Variants in CNOT1 observed in about 807,000 individuals in gnomAD.
The protein encoded by CNOT1 is CCR4-associated factor 1.
CNOT1 carries 15 observed loss-of-function variants against 273.8 expected under a neutral mutation model. The ratio of observed to expected loss-of-function variants is 0.05; its 90% CI spans 0.04 to 0.08. CNOT1 has a LOEUF of 0.08. CNOT1 is among the 10% of genes least tolerant of loss of function. The probability of loss-of-function intolerance (pLI) is 1.00; values close to 1 mark genes in which losing one functional copy is unlikely to be tolerated. For synonymous variants in CNOT1, 1,022 were observed against 1,005.5 expected (o/e 1.02, Z -0.31); for missense variants, 1,644 against 2,912.2 (o/e 0.56, Z 10.02).
chr16:58,526,817 C>CA (rs58419483), intron 44 of CNOT1, among the ~76,000 whole-genome samples: 4,815 of 87,524 alleles, frequency 0.055, 158 homozygotes, highest in African/African-American at 0.093. Flanking sequence ...AACTCCGTCT[C>CA]AAAAAAAAAA....
At chr16:58,560,459 G>A (rs1224962851) in intron 16 of CNOT1, 97 bp from the exon 17 acceptor site, 1 of 1,479,888 alleles carries the variant, frequency 6.8e-7, no homozygotes, top group South Asian at 1.4e-5. Flanking sequence ...TTAAGATGGA[G>A]TCTCACTCTG....
intron 1 of CNOT1, among the ~76,000 whole-genome samples, chr16:58,604,621 TAA>T (rs869046701): frequency 0.046 from 5,597 of 120,808 alleles, 325 homozygotes; most frequent in South Asian, 0.26. Context: ...ATCTCTGCTA[TAA>T]AAAAAAAAAA....
At chr16:58,604,338 T>G (rs1412071775) in intron 1 of CNOT1, among the ~76,000 whole-genome samples, 1 of 152,220 alleles carries the variant, frequency 6.6e-6, no homozygotes, top group Non-Finnish European at 1.5e-5. Context: ...ATCATTAAAG[T>G]TGAGATTCCA....
intron 1 of CNOT1, among the ~76,000 whole-genome samples, chr16:58,604,298 ATATT>A (rs1430359976): frequency 6.6e-6 from 1 of 152,204 alleles, no homozygotes; most frequent in Non-Finnish European, 1.5e-5. Context: ...CATCACAAAA[ATATT>A]TATTTAGAGA....
At chr16:58,587,042 T>C (rs1426593167) in intron 6 of CNOT1, among the ~76,000 whole-genome samples, 159 bp downstream of exon 6, 1 of 152,240 alleles carries the variant, frequency 6.6e-6, no homozygotes, top group Non-Finnish European at 1.5e-5. Flanking sequence ...TTAAAGTGGT[T>C]ATGAGGGTAA....
chr16:58,580,185 T>C (rs1302498568), intron 12 of CNOT1, among the ~76,000 whole-genome samples: 1 of 151,964 alleles, frequency 6.6e-6, no homozygotes, highest in Non-Finnish European at 1.5e-5. Flanking sequence ...ACTCCTGAGA[T>C]TGTGCCACTG....
At chr16:58,614,124 CAAAACCAAAAAATATTATGCCAGT>C (rs2042999839) in intron 1 of CNOT1, among the ~76,000 whole-genome samples, 1 of 120,216 alleles carries the variant, frequency 8.3e-6, no homozygotes. Flanking sequence ...AAATTACTCT[CAAAACCAAAAAATATTATGCCAGT>C]AGCTTTGCAT....
At chr16:58,525,400 C>T (rs374459302) in intron 45 of CNOT1, 41 bp from the exon 46 acceptor site, 6 of 1,558,742 alleles carry the variant, frequency 3.8e-6, no homozygotes, top group African/African-American at 1.4e-5. Context: ...CTTACTCCTG[C>T]AGAGGACCAA....
At chr16:58,567,535 A>C (rs1434260461) in intron 16 of CNOT1, among the ~76,000 whole-genome samples, 1 of 135,304 alleles carries the variant, frequency 7.4e-6, no homozygotes, top group Non-Finnish European at 1.6e-5. Context: ...AGGTAATTGG[A>C]GGCAAGACAT....
intron 21 of CNOT1, 118 bp downstream of exon 21, chr16:58,555,133 G>A (rs1178212138): frequency 1.7e-5 from 24 of 1,424,978 alleles, no homozygotes; most frequent in Middle Eastern, 1.9e-4. Flanking sequence ...ACTTGAGCCC[G>A]CAAGGTCAAG....
At chr16:58,605,405 A>C (rs1388737786) in intron 1 of CNOT1, among the ~76,000 whole-genome samples, 3 of 151,972 alleles carry the variant, frequency 2.0e-5, no homozygotes, top group Non-Finnish European at 4.4e-5. Flanking sequence ...CAGGAGGCTG[A>C]GGCAGGAGAA....
At chr16:58,563,575 A>C (rs2040935984) in intron 16 of CNOT1, among the ~76,000 whole-genome samples, 1 of 152,234 alleles carries the variant, frequency 6.6e-6, no homozygotes, top group South Asian at 2.1e-4. Flanking sequence ...AATGCTCAAA[A>C]TAATTAAAAG....
At position 58,560,296 on chromosome 16, in the gene CNOT1, A is replaced by T. The variant is rs762087158; in HGVS notation, c.2046T>A (p.Asn682Lys). Residue 682 changes from asparagine to lysine, a missense_variant, in exon 17 of 49, where the codon AAT (asparagine) becomes AAA (lysine). This residue lies in a region of CNOT1 where 706 missense variants were observed against 1,021.2 expected (regional missense o/e 0.69). Transcript: ENST00000317147. Reference protein sequence around the residue: ...TMVANCSNVMNKARQPPPGVM... With the variant: ...TMVANCSNVMKKARQPPPGVM... The stretch of plus-strand genomic sequence containing the variant: ...CTCCAGGTGGTGGTTGTCTGGCCTT[A>T]TTCATAACATTACTGCAATTGGCTA... 1.9e-6 allele frequency: 3 copies of T among 1,614,060 alleles called. No homozygotes were observed. The highest frequency in any genetic ancestry group is 2.5e-6 in the Non-Finnish European group (3 of 1,180,038).
intron 16 of CNOT1, 76 bp downstream of exon 16, chr16:58,574,533 C>A: frequency 7.1e-7 from 1 of 1,403,598 alleles, no homozygotes; most frequent in South Asian, 1.5e-5. Context: ...TTTCACTGAA[C>A]CTCTTCTTCC....
chr16:58,532,132 C>T (rs1468702970), intron 41 of CNOT1, 57 bp from the exon 42 acceptor site: 1 of 1,608,840 alleles, frequency 6.2e-7, no homozygotes, highest in African/African-American at 1.3e-5. Flanking sequence ...CAGTGAACAG[C>T]ACATGAATGT....
At chr16:58,604,274 C>G (rs1442956219) in intron 1 of CNOT1, among the ~76,000 whole-genome samples, 4 of 152,140 alleles carry the variant, frequency 2.6e-5, no homozygotes, top group Non-Finnish European at 5.9e-5. Flanking sequence ...GCTATAGTCA[C>G]TTTCCAACAA....
At chr16:58,598,548 G>A (rs1048395417) in intron 2 of CNOT1, among the ~76,000 whole-genome samples, 24 of 151,656 alleles carry the variant, frequency 1.6e-4, no homozygotes, top group Non-Finnish European at 2.4e-4. Flanking sequence ...CAGCCTGAGC[G>A]ACAGAGCTCA....
intron 2 of CNOT1, among the ~76,000 whole-genome samples, chr16:58,592,439 G>A (rs367730224): frequency 2.6e-5 from 4 of 152,276 alleles, no homozygotes; most frequent in East Asian, 3.9e-4. Flanking sequence ...CAAGCTGGGT[G>A]TGGTGGAGCA....
At chr16:58,583,260 CT>C (rs1259748722) in intron 8 of CNOT1, 78 bp from the exon 9 acceptor site, 1 of 1,576,306 alleles carries the variant, frequency 6.3e-7, no homozygotes, top group African/African-American at 1.4e-5. Flanking sequence ...TTAAATGAAC[CT>C]TGTTTGAAAG....
Sources: allele counts gnomAD v4.1 joint callset (sites outside exome capture counted in the v4.1 genomes callset), GRCh38; gene constraint gnomAD v4.1.1; regional missense constraint gnomAD v4.1.1; transcripts MANE v1.5; gene names NCBI Gene and HGNC (gene_info 2026-07-23, HGNC 2026-07-21).